The following PPP1R42 variants were observed in gnomAD, a reference collection of about 807,000 sequenced individuals.
PPP1R42 encodes leucine rich repeat containing 67.
In PPP1R42, 34 loss-of-function variants were observed where a neutral mutation model predicts 31.0. The observed-to-expected ratio is 1.10, with a 90% CI of 0.83 to 1.46. The LOEUF is 1.46. Ranked by LOEUF, PPP1R42 falls within the 40% of genes most tolerant of loss-of-function variation. The pLI, the probability that PPP1R42 is intolerant of heterozygous loss-of-function variation, is 0.00. For synonymous variants in PPP1R42, 103 were observed against 109.8 expected, an observed-to-expected ratio of 0.94 and a Z score of 0.39; for missense variants, 268 against 303.0, an observed-to-expected ratio of 0.88 and a Z score of 0.86.
At chr8:66,985,762 C>T (rs906133888) in intron 6 of PPP1R42, 7 of 1,252,698 alleles carry the variant, frequency 5.6e-6, no homozygotes, top group Non-Finnish European at 8.2e-6. Context: ...CTGTTTTTTC[C>T]TCTCCTGGAT....
chr8:66,983,377 TATAGG>T (rs1440083824), intron 6 of PPP1R42, among the ~76,000 whole-genome samples: 1 of 152,116 alleles, frequency 6.6e-6, no homozygotes, highest in Non-Finnish European at 1.5e-5. Context: ...ATTCCCTTAT[TATAGG>T]ATATTTATAT....
intron 5 of PPP1R42, among the ~76,000 whole-genome samples, chr8:66,994,178 G>A (rs763937924): frequency 1.1e-4 from 17 of 151,956 alleles, no homozygotes; most frequent in Non-Finnish European, 2.2e-4. Context: ...GAGAGGAGAG[G>A]GAATGAAATC....
At position 66,985,576 on chromosome 8, in the gene PPP1R42, G is replaced by A. The variant is rs1814984166; in HGVS notation, c.670+2824C>T. 4.4e-6 allele frequency: 6 copies of A among 1,350,520 alleles called. No homozygotes were observed. In the South Asian group the frequency reaches 4.7e-5, roughly 11 times the overall value. 83.7% of individuals were successfully genotyped at this position (1,350,520 alleles called of 1,614,324 possible). A position where few individuals can be genotyped will look rare whatever the true frequency, so the allele number is the denominator to read the frequency against. The stretch of plus-strand genomic sequence containing the variant: ...ATTGCTGATGAGTCCTGGCTTCAGT[G>A]CCAGCCCGGCTTGGATTCGAGCTTG... On this transcript the variant is annotated intron_variant, in intron 6 of 7. Transcript: ENST00000685739.
chr8:66,972,214 C>A (rs369535465), intron 7 of PPP1R42, among the ~76,000 whole-genome samples: 4 of 152,058 alleles, frequency 2.6e-5, no homozygotes, highest in African/African-American at 9.7e-5. Flanking sequence ...GCTTTTAAGC[C>A]TGAGAGTTCC....
At chr8:67,005,855 A>T (rs111506253) in intron 5 of PPP1R42, among the ~76,000 whole-genome samples, 2,597 of 147,866 alleles carry the variant, frequency 0.018, 53 homozygotes, top group African/African-American at 0.052. Flanking sequence ...TTTTTTTTTT[A>T]AAAATCCTTC....
At chr8:66,974,728 A>G (rs1003325838) in intron 7 of PPP1R42, among the ~76,000 whole-genome samples, 7 of 152,078 alleles carry the variant, frequency 4.6e-5, no homozygotes, top group African/African-American at 2.4e-5. Context: ...AAAAACCACT[A>G]TTTGTTTAAG....
At chr8:67,013,157 C>T (rs180903003) in intron 3 of PPP1R42, 61 bp from the exon 4 acceptor site, 1,373 of 1,387,448 alleles carry the variant, frequency 9.9e-4, no homozygotes, top group Non-Finnish European at 1.2e-3. Flanking sequence ...CTTTATTAAA[C>T]GTGACAAAAG....
chr8:67,005,966 T>A (rs180777893), intron 5 of PPP1R42, among the ~76,000 whole-genome samples: 154 of 152,322 alleles, frequency 1.0e-3, no homozygotes, highest in African/African-American at 3.4e-3. Flanking sequence ...TAAAATGACC[T>A]TTATGATCTG....
chr8:67,001,285 AAGTGATCC>A (rs1178349519), intron 5 of PPP1R42, among the ~76,000 whole-genome samples: 1 of 150,446 alleles, frequency 6.6e-6, no homozygotes, highest in Non-Finnish European at 1.5e-5. Flanking sequence ...TCCTGGGCTC[AAGTGATCC>A]TCCCACCTTG....
chr8:66,988,472 C>T lies in PPP1R42; in HGVS notation c.598G>A (p.Asp200Asn). 6.2e-7 allele frequency: 1 copy of T among 1,611,176 alleles called. No individual in the cohort carries two copies. Among genetic ancestry groups the T allele is most frequent in the Non-Finnish European group, 8.5e-7 (1 of 1,178,702 alleles). ...AGACAAACAGGATTTCCATTTAGAT[C>T]AATTTTCCACAGCTTCATCAACTTG... ...LNKLMKLWKI[D>N]LNGNPVCLKP... Residue 200 changes from aspartate (D) to asparagine (N), a missense_variant, in exon 6 of 8, where the codon GAT (aspartate) becomes AAT (asparagine). By Grantham distance (23) the Asp-to-Asn change is conservative. Coordinates refer to ENST00000685739, the MANE Select transcript of PPP1R42 (RefSeq NM_001364910.1).
chr8:67,023,457 T>C (rs1816285844), intron 1 of PPP1R42, among the ~76,000 whole-genome samples: 1 of 152,234 alleles, frequency 6.6e-6, no homozygotes, highest in South Asian at 2.1e-4. Flanking sequence ...TTGTTGATAT[T>C]GCAAATGTTA....
intron 6 of PPP1R42, among the ~76,000 whole-genome samples, chr8:66,986,912 C>T (rs188532407): frequency 6.6e-6 from 1 of 152,194 alleles, no homozygotes; most frequent in Non-Finnish European, 1.5e-5. Context: ...GTTTGTAATC[C>T]CAGCACTTTG....
chr8:67,006,855 T>C (rs1156969938), intron 5 of PPP1R42, among the ~76,000 whole-genome samples: 2 of 148,310 alleles, frequency 1.3e-5, no homozygotes, highest in African/African-American at 4.9e-5. Context: ...CACACCATTC[T>C]CCTGCCTCAG....
intron 6 of PPP1R42, chr8:66,988,120 A>G (rs1042014924): frequency 9.6e-7 from 1 of 1,042,168 alleles, no homozygotes; most frequent in Non-Finnish European, 1.2e-6. Flanking sequence ...AAGGTCAGCA[A>G]GTTCTACACA....
Position 67,012,972 on chromosome 8 carries a change from G to T in PPP1R42, c.421C>A (p.Leu141Ile), listed in dbSNP as rs1815888668. 1 of 1,601,084 alleles carries T rather than the reference G, an allele frequency of 6.2e-7. No individual in the cohort carries two copies. The highest frequency in any genetic ancestry group is 1.8e-5 in the Admixed American group (1 of 56,018). The change falls in exon 4 of 8, where the codon CTT (leucine) becomes ATT (isoleucine). Residue 141 changes from leucine to isoleucine, a missense_variant. Physicochemically the swap from Leu to Ile is conservative, Grantham distance 5 (BLOSUM62 2). Coordinates refer to ENST00000685739, the MANE Select transcript of PPP1R42 (RefSeq NM_001364910.1). ...GEKLLFDPRT[L>I]HSLAKSLCIL... ...TGTGAACTTACTGCCAGAGAATGAA[G>T]AGTTCTTGGATCAAACAGAAGCTTT...
intron 5 of PPP1R42, among the ~76,000 whole-genome samples, chr8:67,003,885 T>C (rs1170192160): frequency 6.6e-6 from 1 of 152,094 alleles, no homozygotes; most frequent in Non-Finnish European, 1.5e-5. Context: ...GGTCAGGAGA[T>C]TGAGACCATC....
At chr8:67,027,846 A>C (rs1244333959) in intron 1 of PPP1R42, among the ~76,000 whole-genome samples, 3 of 152,046 alleles carry the variant, frequency 2.0e-5, no homozygotes, top group African/African-American at 4.8e-5. Flanking sequence ...GACTCCTCTT[A>C]CTAGATCTCT....
In PPP1R42 at chr8:67,017,777, A is replaced by G. The variant is rs1816061929; in HGVS notation, c.-30T>C. 6.4e-7 allele frequency: 1 copy of G among 1,555,466 alleles called. No individual in the cohort carries two copies. The highest frequency in any genetic ancestry group is 8.7e-7 in the Non-Finnish European group (1 of 1,155,290). On this transcript the variant is annotated 5_prime_UTR_variant, in exon 2 of 8. Transcript: ENST00000685739. ...TCTTTATAAATCAAACTCTCAGCAA[A>G]AGCTCTGTTTTGACACCATGTCAAG...
chr8:66,992,375 G>A (rs1403991892), intron 5 of PPP1R42, among the ~76,000 whole-genome samples: 1 of 151,902 alleles, frequency 6.6e-6, no homozygotes, highest in Non-Finnish European at 1.5e-5. Context: ...GCCACATACC[G>A]AGAACTGAAC....
Sources: gnomAD v4.1 joint callset for allele counts (sites outside exome capture counted in the v4.1 genomes callset) on GRCh38, gnomAD v4.1.1 for gene constraint, MANE v1.5 for transcripts, NCBI Gene and HGNC (gene_info 2026-07-23, HGNC 2026-07-21) for gene names.